Variants in PEPD observed in about 807,000 individuals in gnomAD.
PEPD encodes the protein peptidase D.
A neutral mutation model predicts 60.7 loss-of-function variants in PEPD; 53 were observed. The ratio of observed to expected loss-of-function variants is 0.87; its 90% CI spans 0.70 to 1.10. PEPD has a LOEUF of 1.10. PEPD is among the 50% of genes least tolerant of loss of function. The pLI is 0.00. For synonymous variants in PEPD, 267 were observed against 284.1 expected, an observed-to-expected ratio of 0.94 and a Z score of 0.60; for missense variants, 711 against 711.9, an observed-to-expected ratio of 1.00 and a Z score of 0.01.
At chr19:33,459,512 G>A (rs1969887422) in intron 9 of PEPD, among the ~76,000 whole-genome samples, 1 of 152,122 alleles carries the variant, frequency 6.6e-6, no homozygotes, top group African/African-American at 2.4e-5. Flanking sequence ...TGGCCTGATT[G>A]GGCCTGCTGT....
intron 12 of PEPD, among the ~76,000 whole-genome samples, chr19:33,395,686 G>A (rs1178114458): frequency 6.6e-6 from 1 of 152,164 alleles, no homozygotes; most frequent in South Asian, 2.1e-4. Flanking sequence ...CCTCCTACCC[G>A]GAGTGTGACA....
chr19:33,434,394 TG>T (rs1305609696), intron 9 of PEPD, among the ~76,000 whole-genome samples: 3 of 152,110 alleles, frequency 2.0e-5, no homozygotes, highest in Non-Finnish European at 4.4e-5. Context: ...GTAACGGCGA[TG>T]GTTCTAGCAT....
At chr19:33,391,507 CCA>C (rs1427289824) in intron 12 of PEPD, 28 bp from the exon 13 acceptor site, 1 of 1,543,464 alleles carries the variant, frequency 6.5e-7, no homozygotes, top group Non-Finnish European at 8.7e-7. Flanking sequence ...CTGCCGTGAG[CCA>C]CAGAGCCCAG....
intron 9 of PEPD, among the ~76,000 whole-genome samples, chr19:33,425,670 A>T (rs1336282614): frequency 6.6e-6 from 1 of 152,260 alleles, no homozygotes; most frequent in South Asian, 2.1e-4. Flanking sequence ...AAAGCATCTT[A>T]AAACATATAT....
intron 7 of PEPD, among the ~76,000 whole-genome samples, chr19:33,470,170 C>G (rs1057153033): frequency 6.6e-6 from 1 of 152,288 alleles, no homozygotes; most frequent in South Asian, 2.1e-4. Context: ...TCAGGCCCCC[C>G]CATTTCTCTC....
chr19:33,470,852 C>T (rs1157972518), intron 7 of PEPD, among the ~76,000 whole-genome samples: 1 of 152,144 alleles, frequency 6.6e-6, no homozygotes, highest in Non-Finnish European at 1.5e-5. Context: ...CCTCAGGCTC[C>T]AGCAGCCCAA....
intron 6 of PEPD, among the ~76,000 whole-genome samples, chr19:33,489,368 T>C (rs1970455110): frequency 6.6e-6 from 1 of 152,052 alleles, no homozygotes; most frequent in African/African-American, 2.4e-5. Context: ...GTGTCTCACA[T>C]CTGTAATCCC....
intron 12 of PEPD, among the ~76,000 whole-genome samples, chr19:33,396,598 C>T (rs1245081439): frequency 6.6e-6 from 1 of 151,748 alleles, no homozygotes; most frequent in Non-Finnish European, 1.5e-5. Context: ...GAATCGTGGG[C>T]CACCATTGCT....
chr19:33,414,292 G>A (rs764632624), intron 9 of PEPD, among the ~76,000 whole-genome samples: 21 of 152,334 alleles, frequency 1.4e-4, no homozygotes, highest in Middle Eastern at 3.4e-3. Flanking sequence ...CACCCTGAGC[G>A]GGTAGGGCCA....
intron 6 of PEPD, among the ~76,000 whole-genome samples, chr19:33,483,335 G>A (rs986175559): frequency 6.6e-6 from 1 of 152,110 alleles, no homozygotes; most frequent in African/African-American, 2.4e-5. Context: ...GCTGCTCTTC[G>A]ATAAGATGAA....
chr19:33,503,261 G>T (rs976409913), intron 3 of PEPD, among the ~76,000 whole-genome samples: 1 of 152,182 alleles, frequency 6.6e-6, no homozygotes, highest in Non-Finnish European at 1.5e-5. Context: ...GGAGACGCTG[G>T]TCTCACCGTA....
chr19:33,427,531 A>C (rs774992163), intron 9 of PEPD, among the ~76,000 whole-genome samples: 2 of 152,238 alleles, frequency 1.3e-5, no homozygotes, highest in Non-Finnish European at 2.9e-5. Context: ...GGCAAGTTCC[A>C]AAAAATCCTC....
At position 33,500,991 on chromosome 19, in the gene PEPD, T is replaced by C; in HGVS notation, c.340A>G (p.Lys114Glu). Residue 114 changes from lysine to glutamate, a missense_variant, in exon 4 of 15, where the codon AAG becomes GAG. Transcript: ENST00000244137. ...GCATACTTCTCCTTGAAGTGCTCCT[T>C]GGAATGGATCCTCAAAGAAAAGCAC... ...HATWMGKIHS[K>E]EHFKEKYAVD... 3.8e-6 allele frequency: 6 copies of C among 1,597,418 alleles called. No homozygotes were observed. The highest frequency in any genetic ancestry group is 5.2e-6 in the Non-Finnish European group (6 of 1,164,808).
At chr19:33,431,647 CA>C (rs1169400160) in intron 9 of PEPD, among the ~76,000 whole-genome samples, 2 of 152,126 alleles carry the variant, frequency 1.3e-5, no homozygotes, top group Non-Finnish European at 2.9e-5. Context: ...AGATGGGTAG[CA>C]AATGCTAGTG....
chr19:33,434,207 A>G (rs1047962832), intron 9 of PEPD, among the ~76,000 whole-genome samples: 4 of 152,058 alleles, frequency 2.6e-5, no homozygotes, highest in African/African-American at 9.7e-5. Flanking sequence ...ACTGCCCGAC[A>G]GTTCTCCCTG....
chr19:33,497,117 A>G (rs942426119), intron 4 of PEPD, among the ~76,000 whole-genome samples: 3 of 152,278 alleles, frequency 2.0e-5, no homozygotes, highest in African/African-American at 7.2e-5. Flanking sequence ...ACATCAGGAA[A>G]CATCACCAAC....
intron 10 of PEPD, among the ~76,000 whole-genome samples, chr19:33,412,884 A>T (rs1227068175): frequency 6.6e-6 from 1 of 152,190 alleles, no homozygotes; most frequent in Non-Finnish European, 1.5e-5. Flanking sequence ...GCCAGGACGC[A>T]TGTGGGGGCA....
At chr19:33,487,879 T>C (rs545997753) in intron 6 of PEPD, among the ~76,000 whole-genome samples, 2 of 151,982 alleles carry the variant, frequency 1.3e-5, no homozygotes, top group African/African-American at 4.8e-5. Context: ...CACCTAGGAA[T>C]CCTCCTGGGG....
At chr19:33,434,821 C>T (rs1969343410) in intron 9 of PEPD, among the ~76,000 whole-genome samples, 1 of 151,328 alleles carries the variant, frequency 6.6e-6, no homozygotes, top group Admixed American at 6.6e-5. Flanking sequence ...AAGCCTGGCA[C>T]ATCACACATA....
Sources: gnomAD v4.1 joint callset for allele counts (sites outside exome capture counted in the v4.1 genomes callset) on GRCh38, gnomAD v4.1.1 for gene constraint, MANE v1.5 for transcripts, NCBI Gene and HGNC (gene_info 2026-07-23, HGNC 2026-07-21) for gene names.